The following ABTB3 variants were observed in gnomAD, a reference collection of about 807,000 sequenced individuals.
ABTB3 encodes the protein ankyrin repeat- and BTB/POZ domain-containing protein 3.
At chr12:107,450,980 G>GTT in the ABTB3 span, among the ~76,000 whole-genome samples, 2 of 147,252 alleles carry the variant, frequency 1.4e-5, no homozygotes, top group Non-Finnish European at 3.0e-5. Context: ...TTCAATATGT[G>GTT]TTTTTTTTTT....
At chr12:107,618,508 A>G in the ABTB3 span, 1 of 772,018 alleles carries the variant, frequency 1.3e-6, no homozygotes, top group Admixed American at 2.9e-5. Flanking sequence ...GTGCACACAC[A>G]CACAAGGGGA....
the ABTB3 span, among the ~76,000 whole-genome samples, chr12:107,599,583 G>A: frequency 6.6e-6 from 1 of 152,162 alleles, no homozygotes; most frequent in Non-Finnish European, 1.5e-5. Flanking sequence ...AGTTAGTGTT[G>A]TGCTTTCATT....
At chr12:107,407,439 G>C in the ABTB3 span, among the ~76,000 whole-genome samples, 2 of 152,212 alleles carry the variant, frequency 1.3e-5, no homozygotes, top group African/African-American at 2.4e-5. Flanking sequence ...ATCCAAGAAG[G>C]CTTGGCCCCT....
chr12:107,332,800 G>C, the ABTB3 span, among the ~76,000 whole-genome samples: 7 of 152,280 alleles, frequency 4.6e-5, no homozygotes, highest in South Asian at 1.5e-3. Flanking sequence ...CCGCAGGAAG[G>C]CCCTGTTCTC....
the ABTB3 span, among the ~76,000 whole-genome samples, chr12:107,541,929 A>G: frequency 6.6e-6 from 1 of 151,870 alleles, no homozygotes; most frequent in Non-Finnish European, 1.5e-5. Context: ...TGGAAAGAAA[A>G]AAAAAAAACC....
At chr12:107,326,526 T>C in the ABTB3 span, among the ~76,000 whole-genome samples, 98 of 152,326 alleles carry the variant, frequency 6.4e-4, 1 homozygote, top group Middle Eastern at 0.01. Context: ...AGATGTATCA[T>C]TGGCTCTCTG....
the ABTB3 span, among the ~76,000 whole-genome samples, chr12:107,440,518 C>G: frequency 6.6e-6 from 1 of 152,328 alleles, no homozygotes; most frequent in African/African-American, 2.4e-5. Flanking sequence ...TCTCTCGGCT[C>G]TTTCTTTATT....
the ABTB3 span, among the ~76,000 whole-genome samples, chr12:107,426,671 C>A: frequency 6.6e-6 from 1 of 152,138 alleles, no homozygotes; most frequent in Non-Finnish European, 1.5e-5. Context: ...GAAAGGCAGC[C>A]TTTATGGAGG....
At chr12:107,626,231 T>A in the ABTB3 span, among the ~76,000 whole-genome samples, 1 of 152,206 alleles carries the variant, frequency 6.6e-6, no homozygotes. Flanking sequence ...CCAGAGTTTT[T>A]AGTTGCACTT....
chr12:107,514,295 T>A, the ABTB3 span, among the ~76,000 whole-genome samples: 31,516 of 152,112 alleles, frequency 0.21, 3,376 homozygotes, highest in Non-Finnish European at 0.22. Context: ...TCAAAGGCAT[T>A]AGTTTGCCCT....
At chr12:107,480,220 G>T in the ABTB3 span, among the ~76,000 whole-genome samples, 1 of 152,152 alleles carries the variant, frequency 6.6e-6, no homozygotes, top group Non-Finnish European at 1.5e-5. Flanking sequence ...ATTAGCTAAA[G>T]TATAGGTAGG....
the ABTB3 span, among the ~76,000 whole-genome samples, chr12:107,456,964 A>G: frequency 6.6e-6 from 1 of 151,330 alleles, no homozygotes; most frequent in African/African-American, 2.4e-5. Context: ...GGTTCAAGTG[A>G]TTCTCCTGCC....
the ABTB3 span, among the ~76,000 whole-genome samples, chr12:107,604,290 T>C: frequency 2.0e-5 from 3 of 151,500 alleles, no homozygotes; most frequent in Non-Finnish European, 4.4e-5. Flanking sequence ...CTACTAAAAA[T>C]ACAAAAATTA....
chr12:107,458,881 C>T, the ABTB3 span, among the ~76,000 whole-genome samples: 1 of 152,140 alleles, frequency 6.6e-6, no homozygotes, highest in African/African-American at 2.4e-5. Flanking sequence ...ATCTGCCACC[C>T]CCTGCAGGCC....
the ABTB3 span, among the ~76,000 whole-genome samples, chr12:107,532,330 G>A: frequency 6.6e-6 from 1 of 152,192 alleles, no homozygotes; most frequent in Non-Finnish European, 1.5e-5. Context: ...GGAGCCCAAG[G>A]ACTGGCCCAT....
chr12:107,392,581 G>T, the ABTB3 span, among the ~76,000 whole-genome samples: 1 of 152,238 alleles, frequency 6.6e-6, no homozygotes, highest in East Asian at 1.9e-4. Flanking sequence ...TGCCAGCCTA[G>T]CCTTGACTAA....
chr12:107,584,226 C>A, the ABTB3 span, among the ~76,000 whole-genome samples: 1 of 152,242 alleles, frequency 6.6e-6, no homozygotes, highest in Non-Finnish European at 1.5e-5. Context: ...TCATTCAAGA[C>A]ACCCAAGCGT....
At chr12:107,433,101 A>T in the ABTB3 span, among the ~76,000 whole-genome samples, 1 of 151,110 alleles carries the variant, frequency 6.6e-6, no homozygotes, top group Non-Finnish European at 1.5e-5. Flanking sequence ...CTGGCTAACA[A>T]GGTGAAACCC....
At chr12:107,571,730 C>G in the ABTB3 span, among the ~76,000 whole-genome samples, 1 of 152,226 alleles carries the variant, frequency 6.6e-6, no homozygotes, top group African/African-American at 2.4e-5. Flanking sequence ...ATCATCCAAC[C>G]CCATTTGAGA....
Sources: allele counts gnomAD v4.1 joint callset (sites outside exome capture counted in the v4.1 genomes callset), GRCh38; gene constraint gnomAD v4.1.1; transcripts MANE v1.5; gene names NCBI Gene and HGNC (gene_info 2026-07-23, HGNC 2026-07-21).